TNR: variants seen among roughly 807,000 people sequenced by gnomAD.
TNR encodes the protein tenascin-R.
TNR carries 45 observed loss-of-function variants against 150.4 expected under a neutral mutation model. The observed-to-expected ratio is 0.30, with a 90% CI of 0.24 to 0.38. The LOEUF (loss-of-function observed/expected upper bound fraction) is 0.38. Ranked by LOEUF, TNR falls within the 10% of genes least tolerant of loss-of-function variation. TNR has a pLI of 1.00. For missense variants in TNR, 1,544 were observed against 1,759.1 expected, an observed-to-expected ratio of 0.88 and a Z score of 2.19; for synonymous variants, 687 against 678.4, an observed-to-expected ratio of 1.01 and a Z score of -0.20.
chr1:175,474,274 A>C (rs1016060692), intron 2 of TNR, among the ~76,000 whole-genome samples: 3 of 152,128 alleles, frequency 2.0e-5, no homozygotes, highest in African/African-American at 7.2e-5. Context: ...GCCTTTAAAG[A>C]GATGACTAAG....
chr1:175,679,653 G>T (rs557934872), intron 1 of TNR, among the ~76,000 whole-genome samples: 1 of 152,220 alleles, frequency 6.6e-6, no homozygotes, highest in Non-Finnish European at 1.5e-5. Flanking sequence ...TCTTGGAAGA[G>T]GCCAGGCTTG....
Position 175,363,941 on chromosome 1 carries a change from A to G in TNR, c.2588-114T>C. 6 of 1,330,990 alleles carry G rather than the reference A, an allele frequency of 4.5e-6. No homozygotes were observed. In the South Asian group the frequency reaches 9.2e-5, roughly 20 times the overall value. The allele number at this position is 1,330,990 out of a possible 1,614,324, so 82.4% of individuals were successfully genotyped here. On this transcript the variant is annotated intron_variant, in intron 12 of 22. Transcript: ENST00000367674. ...CAATGTTGTCCCAAAGGCAGACAAG[A>G]TCTTTCCATGTAATAGGGTATCTTA...
intron 2 of TNR, among the ~76,000 whole-genome samples, chr1:175,479,756 T>C (rs539723388): frequency 2.0e-5 from 3 of 152,260 alleles, no homozygotes; most frequent in African/African-American, 7.2e-5. Context: ...GATCTTATCA[T>C]GTCCCTCTGA....
intron 1 of TNR, among the ~76,000 whole-genome samples, chr1:175,635,424 G>C: frequency 6.6e-6 from 1 of 152,260 alleles, no homozygotes. Flanking sequence ...ACATCAGCCA[G>C]ATAATTCCAA....
At chr1:175,665,163 T>G (rs1665499128) in intron 1 of TNR, among the ~76,000 whole-genome samples, 2 of 148,232 alleles carry the variant, frequency 1.3e-5, no homozygotes, top group Admixed American at 1.3e-4. Context: ...TTTTGTTTCA[T>G]TTTTTCTCTG....
intron 18 of TNR, among the ~76,000 whole-genome samples, chr1:175,346,594 C>T (rs923726062): frequency 6.6e-6 from 1 of 151,718 alleles, no homozygotes; most frequent in Non-Finnish European, 1.5e-5. Context: ...GGGAAAATAG[C>T]TACAGATGCA....
chr1:175,484,074 G>T (rs1657913038), intron 2 of TNR, among the ~76,000 whole-genome samples: 1 of 152,218 alleles, frequency 6.6e-6, no homozygotes, highest in African/African-American at 2.4e-5. Flanking sequence ...CTGGTGCCTA[G>T]CACTGTGCAG....
chr1:175,619,522 A>G (rs114841615), intron 1 of TNR, among the ~76,000 whole-genome samples: 1,530 of 152,330 alleles, frequency 0.01, 16 homozygotes, highest in Admixed American at 0.027. Context: ...TCAAGTGCCA[A>G]CCTGGCTGGG....
chr1:175,512,159 CA>C (rs1208958533), intron 2 of TNR, among the ~76,000 whole-genome samples: 1 of 152,116 alleles, frequency 6.6e-6, no homozygotes, highest in Non-Finnish European at 1.5e-5. Flanking sequence ...TAGAAAGAAG[CA>C]TGTAAAAGGG....
chr1:175,339,535 C>G (rs1158508093), intron 18 of TNR, among the ~76,000 whole-genome samples: 2 of 152,164 alleles, frequency 1.3e-5, no homozygotes, highest in Non-Finnish European at 2.9e-5. Context: ...TTTGGGAGCA[C>G]TGCTATTATC....
intron 1 of TNR, among the ~76,000 whole-genome samples, chr1:175,566,408 A>G (rs7514520): frequency 6.6e-6 from 1 of 152,010 alleles, no homozygotes; most frequent in African/African-American, 2.4e-5. Flanking sequence ...ACGGTGTTTG[A>G]GAGTCTCTGG....
At chr1:175,486,875 T>C (rs967630647) in intron 2 of TNR, among the ~76,000 whole-genome samples, 12 of 152,394 alleles carry the variant, frequency 7.9e-5, no homozygotes, top group African/African-American at 2.6e-4. Flanking sequence ...TAATGACCAG[T>C]GATGATGAAC....
chr1:175,659,758 T>A (rs760812738), intron 1 of TNR, among the ~76,000 whole-genome samples: 1 of 152,094 alleles, frequency 6.6e-6, no homozygotes, highest in Non-Finnish European at 1.5e-5. Context: ...AGAGGACTGC[T>A]CACAGAGACC....
rs3030866 is a variant in TNR, at chr1:175,315,812, ATGTGTGTGTGTGTGTG to A, written c.*7529_*7544del. The stretch of plus-strand genomic sequence containing the variant: ...TGTGTGCATGCATGTGTGTGTGTGC[ATGTGTGTGTGTGTGTG>A]TGTGTGTGTGTGTGTGTGAATGATT... On this transcript the variant is annotated 3_prime_UTR_variant, in exon 23 of 23. Transcript: ENST00000367674. The A allele has an allele frequency of 3.4e-4, 50 of 146,972 alleles. No individual in the cohort carries two copies. The highest frequency in any genetic ancestry group is 1.3e-3 in the African/African-American group (50 of 39,878). 9.1% of individuals were successfully genotyped at this position (146,972 alleles called of 1,614,324 possible). A position where few individuals can be genotyped will look rare whatever the true frequency, so the allele number is the denominator to read the frequency against.
At chr1:175,675,046 T>G (rs1381032439) in intron 1 of TNR, among the ~76,000 whole-genome samples, 1 of 152,210 alleles carries the variant, frequency 6.6e-6, no homozygotes, top group East Asian at 1.9e-4. Flanking sequence ...ATTGAGCTTA[T>G]TTTTTGTTCA....
At chr1:175,541,368 C>T (rs1022581788) in intron 1 of TNR, among the ~76,000 whole-genome samples, 45 of 152,186 alleles carry the variant, frequency 3.0e-4, no homozygotes, top group Non-Finnish European at 8.8e-5. Context: ...AAACTCAATT[C>T]GCTCTGTAAA....
At chr1:175,479,359 C>A (rs1006327622) in intron 2 of TNR, among the ~76,000 whole-genome samples, 2 of 152,174 alleles carry the variant, frequency 1.3e-5, no homozygotes, top group African/African-American at 4.8e-5. Context: ...TGACAAGTTT[C>A]CCCCCACCAA....
At chr1:175,454,966 T>C (rs1656500765) in intron 2 of TNR, among the ~76,000 whole-genome samples, 1 of 152,166 alleles carries the variant, frequency 6.6e-6, no homozygotes, top group African/African-American at 2.4e-5. Context: ...CTTCAACTAA[T>C]AGAGGATGGA....
intron 1 of TNR, among the ~76,000 whole-genome samples, chr1:175,613,316 G>T (rs1663657622): frequency 6.6e-6 from 1 of 152,162 alleles, no homozygotes; most frequent in South Asian, 2.1e-4. Context: ...TAATGGTAAA[G>T]GCTCCTTGTC....
Sources: allele counts gnomAD v4.1 joint callset (sites outside exome capture counted in the v4.1 genomes callset), GRCh38; gene constraint gnomAD v4.1.1; transcripts MANE v1.5; gene names NCBI Gene and HGNC (gene_info 2026-07-23, HGNC 2026-07-21).